The following STK32B variants were observed in gnomAD, a reference collection of about 807,000 sequenced individuals.
STK32B encodes serine/threonine-protein kinase 32B.
A neutral mutation model predicts 52.6 loss-of-function variants in STK32B; 43 were observed. The ratio of observed to expected loss-of-function variants is 0.82; its 90% confidence interval spans 0.64 to 1.05. The LOEUF (loss-of-function observed/expected upper bound fraction) is 1.05, where lower values mean the gene tolerates loss of function less well. STK32B is among the 50% of genes least tolerant of loss of function. The probability of loss-of-function intolerance (pLI) is 0.00; values close to 1 mark genes in which losing one functional copy is unlikely to be tolerated. For synonymous variants in STK32B, 238 were observed against 204.3 expected (o/e 1.17, Z -1.41); for missense variants, 621 against 534.6 (o/e 1.16, Z -1.59).
At chr4:5,040,388 A>ATTTTTT in the STK32B span, among the ~76,000 whole-genome samples, 4 of 118,728 alleles carry the variant, frequency 3.4e-5, no homozygotes, top group African/African-American at 1.1e-4. Flanking sequence ...TGGCAGTAGA[A>ATTTTTT]TTTTTTTTTT....
At chr4:5,322,661 A>C (rs1577347345) in intron 3 of STK32B, among the ~76,000 whole-genome samples, 1 of 152,224 alleles carries the variant, frequency 6.6e-6, no homozygotes, top group Non-Finnish European at 1.5e-5. Context: ...AGAAAGGTCT[A>C]GGGTTTCCTC....
At chr4:5,183,746 C>T (rs138708823) in intron 3 of STK32B, among the ~76,000 whole-genome samples, 1 of 152,344 alleles carries the variant, frequency 6.6e-6, no homozygotes, top group Non-Finnish European at 1.5e-5. Context: ...AAGTAACTTG[C>T]TACAGCTTCT....
At chr4:5,078,293 A>C (rs1303847136) in intron 1 of STK32B, among the ~76,000 whole-genome samples, 7 of 152,176 alleles carry the variant, frequency 4.6e-5, no homozygotes. Context: ...ATCAACAAGG[A>C]TTCACTCTCT....
intron 2 of STK32B, among the ~76,000 whole-genome samples, chr4:5,149,609 C>T (rs1717182336): frequency 6.6e-6 from 1 of 151,856 alleles, no homozygotes. Context: ...AACCTTACAA[C>T]TGTAGAGGCC....
At chr4:5,288,813 C>G (rs1160684927) in intron 3 of STK32B, among the ~76,000 whole-genome samples, 1 of 152,130 alleles carries the variant, frequency 6.6e-6, no homozygotes, top group Non-Finnish European at 1.5e-5. Flanking sequence ...CTCTTGAAAA[C>G]CTACACCTAT....
At chr4:5,119,528 A>C (rs543177700) in intron 1 of STK32B, among the ~76,000 whole-genome samples, 2 of 152,224 alleles carry the variant, frequency 1.3e-5, no homozygotes, top group African/African-American at 4.8e-5. Context: ...CTTTCATGTC[A>C]TATTTTTTTC....
At chr4:5,093,724 C>G (rs1463493340) in intron 1 of STK32B, among the ~76,000 whole-genome samples, 1 of 151,462 alleles carries the variant, frequency 6.6e-6, no homozygotes, top group Non-Finnish European at 1.5e-5. Context: ...AAAAAAAATG[C>G]CATGTGATGC....
intron 3 of STK32B, among the ~76,000 whole-genome samples, chr4:5,199,076 A>G (rs1721920504): frequency 1.3e-5 from 2 of 152,162 alleles, no homozygotes; most frequent in Non-Finnish European, 2.9e-5. Flanking sequence ...TTGCATGTGG[A>G]GGTTAATCTC....
At chr4:5,475,985 C>T (rs753314219) in intron 11 of STK32B, among the ~76,000 whole-genome samples, 2 of 151,868 alleles carry the variant, frequency 1.3e-5, no homozygotes, top group African/African-American at 4.8e-5. Flanking sequence ...ACCTCCGCCT[C>T]CCAGGTTCAA....
Position 5,469,992 on chromosome 4 carries a change from A to G in STK32B, c.1106+1922A>G, listed in dbSNP as rs369479876. On this transcript the variant is annotated intron_variant, in intron 11 of 11. Transcript: ENST00000282908. This position sits in a 1 kb window ranked among gnomAD's most constrained non-coding sequence, Gnocchi z 4.7. The stretch of plus-strand genomic sequence containing the variant: ...CTCTGTGTGTGGGCCGTGGAGTCCA[A>G]TGAGAGCAGCTGCTGGCAAACGTGA... Among the ~76,000 whole-genome samples the G allele has an allele frequency of 7.9e-5, 12 of 152,218 alleles. No individual in the cohort carries two copies. Among genetic ancestry groups the G allele is most frequent in the Middle Eastern group, 3.4e-3 (1 of 294 alleles).
rs183945631 is a variant in STK32B at position 5,056,894 on chromosome 4, C to T, written c.52+4979C>T. Among the ~76,000 whole-genome samples, 544 of 152,306 alleles carry T rather than the reference C, an allele frequency of 3.6e-3. 2 individuals carry two copies. The highest frequency in any genetic ancestry group is 4.8e-3 in the Non-Finnish European group (329 of 68,012). ...TCAACGGAAAAAGGGCAAGTGGACG[C>T]TGGGTGGGCAGATAGAAACAAAAAA... On this transcript the variant is annotated intron_variant, in intron 1 of 11. Transcript: ENST00000282908.
At chr4:5,435,508 A>C (rs937692672) in intron 6 of STK32B, among the ~76,000 whole-genome samples, 21 of 152,194 alleles carry the variant, frequency 1.4e-4, no homozygotes, top group African/African-American at 5.1e-4. Context: ...ATAAAGATGA[A>C]TCAGTACTCT....
chr4:5,472,504 C>T (rs1476804757), intron 11 of STK32B, among the ~76,000 whole-genome samples: 4 of 152,206 alleles, frequency 2.6e-5, no homozygotes, highest in East Asian at 3.9e-4. Flanking sequence ...GCAGCTGAGA[C>T]TTCCATTGGG....
chr4:5,383,215 G>A (rs11724508), intron 4 of STK32B, among the ~76,000 whole-genome samples: 38,556 of 151,894 alleles, frequency 0.25, 5,813 homozygotes, highest in African/African-American at 0.43. Context: ...TGTGCCCACC[G>A]CGCCAGCTTG....
intron 3 of STK32B, among the ~76,000 whole-genome samples, chr4:5,275,764 C>T (rs1297687276): frequency 6.6e-6 from 1 of 151,916 alleles, no homozygotes; most frequent in African/African-American, 2.4e-5. Context: ...GCAGAACCAC[C>T]CTGAGAGTGG....
intron 4 of STK32B, among the ~76,000 whole-genome samples, chr4:5,389,725 A>T (rs1306680657): frequency 6.6e-6 from 1 of 150,790 alleles, no homozygotes; most frequent in Non-Finnish European, 1.5e-5. Flanking sequence ...TAGACTGAAA[A>T]TGCCCCCCCC....
chr4:5,475,385 A>G (rs1718161529), intron 11 of STK32B, among the ~76,000 whole-genome samples: 1 of 140,742 alleles, frequency 7.1e-6, no homozygotes, highest in Non-Finnish European at 1.5e-5. Flanking sequence ...AGATCACACC[A>G]CTGCACTCCA....
chr4:5,496,081 C>G (rs530902473), intron 11 of STK32B, among the ~76,000 whole-genome samples: 1 of 152,354 alleles, frequency 6.6e-6, no homozygotes, highest in Admixed American at 6.5e-5. Flanking sequence ...CAGCTGCATG[C>G]TGGGAGAACC....
chr4:5,075,392 A>T (rs759451595), intron 1 of STK32B, among the ~76,000 whole-genome samples: 10 of 152,162 alleles, frequency 6.6e-5, no homozygotes, highest in Non-Finnish European at 1.2e-4. Context: ...TTCCTTGACA[A>T]TGTCACTTTT....
Sources: gnomAD v4.1 joint callset for allele counts (sites outside exome capture counted in the v4.1 genomes callset) on GRCh38, gnomAD v4.1.1 for gene constraint, Gnocchi (gnomAD v3.1) non-coding constraint, MANE v1.5 for transcripts, NCBI Gene and HGNC (gene_info 2026-07-23, HGNC 2026-07-21) for gene names.